The following LSG1 variants were observed in gnomAD, a reference collection of about 807,000 sequenced individuals.
LSG1 encodes the protein large subunit GTPase 1 homolog.
A neutral mutation model predicts 82.6 loss-of-function variants in LSG1; 55 were observed. The observed-to-expected ratio is 0.67, with a 90% CI of 0.54 to 0.83. LSG1 has a LOEUF of 0.83. Among genes scored for constraint, LSG1 ranks in the 40% least tolerant of loss-of-function variants. The pLI is 0.00. For synonymous variants in LSG1, 272 were observed against 282.5 expected, an observed-to-expected ratio of 0.96 and a Z score of 0.37; for missense variants, 809 against 807.9, an observed-to-expected ratio of 1.00 and a Z score of -0.02.
intron 7 of LSG1, among the ~76,000 whole-genome samples, chr3:194,657,466 T>G (rs1041095711): frequency 3.3e-5 from 5 of 151,478 alleles, no homozygotes; most frequent in African/African-American, 1.2e-4. Flanking sequence ...AAGTTTTTTT[T>G]TTTTTTTTTT....
intron 7 of LSG1, among the ~76,000 whole-genome samples, chr3:194,656,388 T>C (rs964547024): frequency 1.3e-5 from 2 of 152,148 alleles, no homozygotes; most frequent in South Asian, 4.2e-4. Context: ...CCAAAAAACA[T>C]GTGAAAAAAT....
intron 6 of LSG1, 71 bp from the exon 7 acceptor site, chr3:194,659,204 A>T (rs1346222847): frequency 1.6e-6 from 2 of 1,287,196 alleles, no homozygotes; most frequent in East Asian, 4.7e-5. Flanking sequence ...TATATTAAAG[A>T]TCCCAATACA....
Position 194,659,971 on chromosome 3 carries a change from C to G in LSG1, c.582+102G>C, listed in dbSNP as rs79216388. On this transcript the variant is annotated intron_variant, in intron 6 of 13. Transcript: ENST00000265245. Reference sequence around the variant, plus strand: ...GGAGGGAAGGCCTCACTAAACGAAGCCAGAGAGGGCAGAATGTATGCCTAC... The same window carrying G: ...GGAGGGAAGGCCTCACTAAACGAAGGCAGAGAGGGCAGAATGTATGCCTAC... 8.7e-3 allele frequency: 8,760 copies of G among 1,011,694 alleles called. 61 individuals carry two copies. The highest frequency in any genetic ancestry group is 0.011 in the South Asian group (822 of 76,380). 62.7% of individuals were successfully genotyped at this position (1,011,694 alleles called of 1,614,324 possible).
chr3:194,654,365 G>A (rs1290475380), intron 7 of LSG1, among the ~76,000 whole-genome samples: 2 of 152,348 alleles, frequency 1.3e-5, no homozygotes, highest in East Asian at 1.9e-4. Context: ...GGACTTGAAA[G>A]TGATGGAAAC....
chr3:194,651,493 G>GTTCCCA, intron 8 of LSG1: 1 of 413,278 alleles, frequency 2.4e-6, no homozygotes, highest in Non-Finnish European at 4.4e-6. Context: ...TCATCCCCTT[G>GTTCCCA]TTCCCAGCCT....
chr3:194,657,697 G>A (rs912722973), intron 7 of LSG1, among the ~76,000 whole-genome samples: 1 of 152,140 alleles, frequency 6.6e-6, no homozygotes, highest in African/African-American at 2.4e-5. Context: ...CAGGCACCCA[G>A]GATGGGTGTC....
In LSG1 at chr3:194,672,168, C is replaced by T. The variant is rs756925217; in HGVS notation, c.-6G>A. 3 of 1,594,726 alleles carry T rather than the reference C, an allele frequency of 1.9e-6. No individual in the cohort carries two copies. In the East Asian group the frequency reaches 6.7e-5, roughly 36 times the overall value. ...GGGGCTCTCCTCCGGCCCATGGCAA[C>T]ACGACCGCTGGACGAAGCTTCCCGG... On this transcript the variant is annotated 5_prime_UTR_variant, in exon 1 of 14. Transcript: ENST00000265245.
At chr3:194,664,967 C>T (rs1719003116) in intron 5 of LSG1, among the ~76,000 whole-genome samples, 1 of 151,980 alleles carries the variant, frequency 6.6e-6, no homozygotes, top group Admixed American at 6.6e-5. Flanking sequence ...TAAAAACCAC[C>T]CCGTGATTTC....
intron 8 of LSG1, chr3:194,651,435 TTTTAATA>T (rs1344294725): frequency 5.4e-6 from 3 of 553,942 alleles, no homozygotes; most frequent in African/African-American, 3.8e-5. Flanking sequence ...GTTATGCACA[TTTTAATA>T]TTATATGTTT....
intron 5 of LSG1, among the ~76,000 whole-genome samples, chr3:194,662,591 C>T (rs537362694): frequency 9.9e-5 from 15 of 152,196 alleles, no homozygotes; most frequent in African/African-American, 1.9e-4. Context: ...GGAGAAACCC[C>T]GTCTCTACTA....
intron 13 of LSG1, among the ~76,000 whole-genome samples, 190 bp downstream of exon 13, chr3:194,644,383 A>T (rs56017727): frequency 0.023 from 3,058 of 132,868 alleles, 214 homozygotes; most frequent in Non-Finnish European, 0.033. Context: ...AAAAAAAATA[A>T]AAATAAATAA....
At chr3:194,669,615 T>C (rs1719101890) in intron 2 of LSG1, among the ~76,000 whole-genome samples, 1 of 152,180 alleles carries the variant, frequency 6.6e-6, no homozygotes, top group South Asian at 2.1e-4. Context: ...TCTTATCTCA[T>C]CTGTCCTTTG....
intron 10 of LSG1, chr3:194,650,599 T>G (rs902481688): frequency 8.1e-5 from 24 of 294,668 alleles, no homozygotes; most frequent in African/African-American, 5.3e-4. Context: ...TAAGCAAGTT[T>G]TCCAAGGTCA....
chr3:194,644,085 G>A (rs975516073), intron 13 of LSG1, among the ~76,000 whole-genome samples: 7 of 152,148 alleles, frequency 4.6e-5, no homozygotes, highest in Admixed American at 6.6e-5. Context: ...GGTTTCGGCC[G>A]GGCGCGGTGG....
intron 13 of LSG1, among the ~76,000 whole-genome samples, chr3:194,644,190 G>A (rs540906863): frequency 2.2e-4 from 33 of 151,768 alleles, no homozygotes; most frequent in African/African-American, 7.3e-4. Context: ...GTGAAACCCC[G>A]TCTCTACTAA....
Position 194,672,170 on chromosome 3 carries a change from C to T in LSG1, c.-8G>A. On this transcript the variant is annotated 5_prime_UTR_variant, in exon 1 of 14. In the 5' UTR this introduces an upstream ATG that the reference lacks. Transcript: ENST00000265245. ...GGCTCTCCTCCGGCCCATGGCAACACGACCGCTGGACGAAGCTTCCCGGCT... is the reference window on the plus strand; with the variant it reads ...GGCTCTCCTCCGGCCCATGGCAACATGACCGCTGGACGAAGCTTCCCGGCT... 3.1e-6 allele frequency: 5 copies of T among 1,592,526 alleles called. No individual in the cohort carries two copies. The highest frequency in any genetic ancestry group is 3.4e-6 in the Non-Finnish European group (4 of 1,172,506).
At chr3:194,649,784 C>CT (rs1477275520) in intron 10 of LSG1, among the ~76,000 whole-genome samples, 1 of 152,124 alleles carries the variant, frequency 6.6e-6, no homozygotes, top group Non-Finnish European at 1.5e-5. Context: ...TTTTACTCTA[C>CT]TTACAAGCCA....
Position 194,653,142 on chromosome 3 carries a change from C to T in LSG1, c.760G>A (p.Glu254Lys). Residue 254 changes from glutamate to lysine, a missense_variant and splice_region_variant, in exon 8 of 14, where the codon GAA (glutamate) becomes AAA (lysine). Coordinates refer to ENST00000265245, the MANE Select transcript of LSG1 (RefSeq NM_018385.3). ...TGTCTATCATCTCTGTTTGCCTCTTCCTGACAAAATAATAGAAACGCTCAG... is the reference window on the plus strand; with the variant it reads ...TGTCTATCATCTCTGTTTGCCTCTTTCTGACAAAATAATAGAAACGCTCAG... ...GAIPLNGDSE[E>K]EANRDDRQSN... The T allele has an allele frequency of 1.2e-6, 2 of 1,611,598 alleles. No homozygotes were observed. Among genetic ancestry groups the T allele is most frequent in the South Asian group, 2.2e-5 (2 of 90,870 alleles).
At chr3:194,667,467 C>T (rs949756340) in intron 2 of LSG1, among the ~76,000 whole-genome samples, 3 of 152,158 alleles carry the variant, frequency 2.0e-5, no homozygotes, top group Non-Finnish European at 2.9e-5. Context: ...TTCTCATACA[C>T]ACCCTTACAC....
Sources: allele counts gnomAD v4.1 joint callset (sites outside exome capture counted in the v4.1 genomes callset), GRCh38; gene constraint gnomAD v4.1.1; transcripts MANE v1.5; gene names NCBI Gene and HGNC (gene_info 2026-07-23, HGNC 2026-07-21).